Variants in RYR2 observed in about 807,000 individuals in gnomAD.
The protein encoded by RYR2 is cardiac muscle ryanodine receptor-calcium release channel.
A neutral mutation model predicts 601.1 loss-of-function variants in RYR2; 227 were observed. That is an observed-to-expected ratio of 0.38 (90% CI 0.34 to 0.42). The LOEUF (loss-of-function observed/expected upper bound fraction) is 0.42, where lower values mean the gene tolerates loss of function less well. Among genes scored for constraint, RYR2 ranks in the 10% least tolerant of loss-of-function variants. RYR2 has a pLI of 1.00. For missense variants in RYR2, 4,646 were observed against 6,156.5 expected (o/e 0.75, Z 8.21); for synonymous variants, 2,223 against 2,175.1 (o/e 1.02, Z -0.61).
chr1:237,742,918 G>A (rs61650070), intron 80 of RYR2, among the ~76,000 whole-genome samples: 109 of 152,256 alleles, frequency 7.2e-4, no homozygotes, highest in South Asian at 2.1e-3. Flanking sequence ...AATGTCCTAC[G>A]TAATTTGAAA....
chr1:237,184,291 C>T (rs1055076323), intron 1 of RYR2, among the ~76,000 whole-genome samples: 1 of 152,206 alleles, frequency 6.6e-6, no homozygotes, highest in African/African-American at 2.4e-5. Flanking sequence ...AGTGCTTCAT[C>T]TCCCTGCTGT....
At chr1:237,736,264 C>A (rs1176810114) in intron 79 of RYR2, among the ~76,000 whole-genome samples, 1 of 151,930 alleles carries the variant, frequency 6.6e-6, no homozygotes, top group Non-Finnish European at 1.5e-5. Context: ...AGTTTGAGAG[C>A]AGCCTGGCCA....
At chr1:237,148,561 C>CATATATATATATATAT (rs1558320364) in intron 1 of RYR2, among the ~76,000 whole-genome samples, 5 of 109,750 alleles carry the variant, frequency 4.6e-5, no homozygotes, top group African/African-American at 1.5e-4. Flanking sequence ...TATACACACA[C>CATATATATATATATAT]ACATATATAT....
chr1:237,423,519 C>T (rs552760762), intron 12 of RYR2, among the ~76,000 whole-genome samples: 162 of 152,236 alleles, frequency 1.1e-3, no homozygotes, highest in African/African-American at 3.8e-3. Context: ...TGTATACATA[C>T]ATATTGGGAT....
At chr1:237,052,109 T>C (rs1386509289) in intron 1 of RYR2, among the ~76,000 whole-genome samples, 3 of 152,208 alleles carry the variant, frequency 2.0e-5, no homozygotes, top group African/African-American at 7.2e-5. Context: ...GGTACCTTAA[T>C]GCAGTGTGTG....
At chr1:237,055,166 G>A (rs766890437) in intron 1 of RYR2, among the ~76,000 whole-genome samples, 9 of 152,122 alleles carry the variant, frequency 5.9e-5, no homozygotes, top group Non-Finnish European at 8.8e-5. Context: ...ACCCTGATGC[G>A]AAGGCGGGAA....
At chr1:237,350,619 ATATATATATATATATC>A (rs1331593023) in intron 3 of RYR2, among the ~76,000 whole-genome samples, 126 of 117,408 alleles carry the variant, frequency 1.1e-3, no homozygotes, top group Middle Eastern at 7.7e-3. Context: ...ATATATATAT[ATATATATATATATATC>A]TCTGACCTCT....
At chr1:237,222,732 A>G (rs1683956987) in intron 1 of RYR2, among the ~76,000 whole-genome samples, 1 of 152,050 alleles carries the variant, frequency 6.6e-6, no homozygotes, top group Non-Finnish European at 1.5e-5. Context: ...GGCATTTTCT[A>G]ACCCCAAATT....
chr1:237,801,184 G>A, intron 97 of RYR2, among the ~76,000 whole-genome samples: 1 of 145,558 alleles, frequency 6.9e-6, no homozygotes, highest in Non-Finnish European at 1.5e-5. Flanking sequence ...TGAAAGTGAG[G>A]AAATGTTTGA....
At chr1:237,189,507 C>T (rs959628992) in intron 1 of RYR2, among the ~76,000 whole-genome samples, 1 of 152,106 alleles carries the variant, frequency 6.6e-6, no homozygotes, top group Non-Finnish European at 1.5e-5. Context: ...GGAAGCAGGG[C>T]ATTTGGGAGG....
intron 75 of RYR2, 121 bp downstream of exon 75, chr1:237,726,429 T>A: frequency 1.5e-6 from 1 of 663,630 alleles, no homozygotes; most frequent in Non-Finnish European, 2.7e-6. Context: ...CTATTAGTTA[T>A]ATAAATAACT....
In RYR2 at chr1:237,469,182, C is replaced by T; in HGVS notation, c.1703C>T (p.Ser568Phe). The T allele has an allele frequency of 6.5e-7, 1 of 1,528,446 alleles. No homozygotes were observed. Among genetic ancestry groups the T allele is most frequent in the Non-Finnish European group, 8.8e-7 (1 of 1,134,622 alleles). The allele number at this position is 1,528,446 out of a possible 1,614,324, so 94.7% of individuals were successfully genotyped here. Residue 568 changes from serine (S) to phenylalanine (F), a missense_variant, in exon 17 of 105, where the codon TCT (serine) becomes TTT (phenylalanine). By Grantham distance (155) the Ser-to-Phe change is radical. This residue lies in a region of RYR2 where 1,807 missense variants were observed against 2,088.1 expected (regional missense o/e 0.87). Coordinates refer to ENST00000366574, the MANE Select transcript of RYR2 (RefSeq NM_001035.3). Reference protein sequence around the residue: ...LISRLERLEASSGILEVLHCV... With the variant: ...LISRLERLEAFSGILEVLHCV... ...AGCAGATTGGAAAGACTGGAAGCTT[C>T]TTCAGGTATGTTTTCTAGTTTTTTC... is the stretch of plus-strand genomic sequence containing the variant.
intron 1 of RYR2, among the ~76,000 whole-genome samples, chr1:237,165,959 G>A (rs1676668908): frequency 6.6e-6 from 1 of 152,134 alleles, no homozygotes; most frequent in African/African-American, 2.4e-5. Context: ...TGCTGCTGCT[G>A]CACTCCAGCC....
At chr1:237,529,760 T>TACACACACACACACACAC (rs71561882) in intron 24 of RYR2, among the ~76,000 whole-genome samples, 1,496 of 134,534 alleles carry the variant, frequency 0.011, 24 homozygotes, top group African/African-American at 0.015. Flanking sequence ...AATAATATCA[T>TACACACACACACACACAC]ACACACACAC....
At position 237,654,309 on chromosome 1, in the gene RYR2, T is replaced by C. The variant is rs1415898681; in HGVS notation, c.7860T>C (p.Tyr2620=). ...LTNHYERCWK[Y]YCLPGGWGNF... is the part of the protein sequence containing the mutation. ...ATCATTATGAAAGATGCTGGAAATATTACTGCCTGCCTGGAGGGTGGGGAA... is the reference window on the plus strand; with the variant it reads ...ATCATTATGAAAGATGCTGGAAATACTACTGCCTGCCTGGAGGGTGGGGAA... Residue 2620 remains tyrosine, a synonymous_variant, in exon 52 of 105, where the codon TAT becomes TAC. Coordinates refer to ENST00000366574, the MANE Select transcript of RYR2 (RefSeq NM_001035.3). The C allele has an allele frequency of 2.5e-6, 4 of 1,613,972 alleles. No individual in the cohort carries two copies. The highest frequency in any genetic ancestry group is 2.2e-5 in the South Asian group (2 of 91,086).
chr1:237,286,746 T>C (rs1002044921), intron 2 of RYR2, among the ~76,000 whole-genome samples: 4 of 151,990 alleles, frequency 2.6e-5, no homozygotes, highest in Non-Finnish European at 4.4e-5. Flanking sequence ...GGTGAGTTCT[T>C]ATCCATTCTG....
intron 16 of RYR2, among the ~76,000 whole-genome samples, chr1:237,461,275 A>G (rs959825543): frequency 1.3e-5 from 2 of 152,188 alleles, no homozygotes; most frequent in African/African-American, 2.4e-5. Flanking sequence ...GATCTCAATG[A>G]CATTCATATA....
At chr1:237,262,522 G>T (rs1394069323) in intron 1 of RYR2, among the ~76,000 whole-genome samples, 1 of 151,998 alleles carries the variant, frequency 6.6e-6, no homozygotes, top group Non-Finnish European at 1.5e-5. Context: ...CTCCCAAAGT[G>T]CTGAGATTAT....
intron 1 of RYR2, among the ~76,000 whole-genome samples, chr1:237,084,039 C>G (rs541251241): frequency 6.6e-6 from 1 of 152,300 alleles, no homozygotes; most frequent in South Asian, 2.1e-4. Context: ...CCCTGGGCCT[C>G]TCTTGGTTCT....
Sources: gnomAD v4.1 joint callset for allele counts (sites outside exome capture counted in the v4.1 genomes callset) on GRCh38, gnomAD v4.1.1 for gene constraint, gnomAD v4.1.1 regional missense constraint, MANE v1.5 for transcripts, NCBI Gene and HGNC (gene_info 2026-07-23, HGNC 2026-07-21) for gene names.